The following DLL1 variants were observed in gnomAD, a reference collection of about 807,000 sequenced individuals.
The protein encoded by DLL1 is delta-like protein 1.
A neutral mutation model predicts 75.1 loss-of-function variants in DLL1; 9 were observed. That is an observed-to-expected ratio of 0.12 (90% CI 0.07 to 0.21). DLL1 has a LOEUF of 0.21. Ranked by LOEUF, DLL1 falls within the 10% of genes least tolerant of loss-of-function variation. The probability of loss-of-function intolerance (pLI) is 1.00; values close to 1 mark genes in which losing one functional copy is unlikely to be tolerated. For synonymous variants in DLL1, 477 were observed against 418.3 expected (o/e 1.14, Z -1.71); for missense variants, 837 against 1,007.6 (o/e 0.83, Z 2.29).
intron 8 of DLL1, 76 bp from the exon 9 acceptor site, chr6:170,284,105 C>T (rs1475592518): frequency 4.6e-6 from 7 of 1,512,448 alleles, no homozygotes; most frequent in Middle Eastern, 2.3e-4. Context: ...AAGCATCTAT[C>T]TGTCTGACAC....
intron 2 of DLL1, chr6:170,289,265 C>G: frequency 1.5e-6 from 1 of 672,160 alleles, no homozygotes. Context: ...GGAAATCTCC[C>G]GGGCGCGCTC....
chr6:170,289,347 G>T (rs1428195990), intron 2 of DLL1, 165 bp downstream of exon 2: 1 of 1,175,380 alleles, frequency 8.5e-7, no homozygotes, highest in African/African-American at 1.6e-5. Context: ...TGTCCGCGCT[G>T]CTGGGCTGGA....
chr6:170,282,742 T>C lies in DLL1; in HGVS notation c.*132A>G. 2 of 1,496,418 alleles carry C rather than the reference T, an allele frequency of 1.3e-6. No homozygotes were observed. Among genetic ancestry groups the C allele is most frequent in the Non-Finnish European group, 1.9e-6 (2 of 1,075,386 alleles). 92.7% of individuals were successfully genotyped at this position (1,496,418 alleles called of 1,614,324 possible). A position where few individuals can be genotyped will look rare whatever the true frequency, so the allele number is the denominator to read the frequency against. On this transcript the variant is annotated 3_prime_UTR_variant, in exon 11 of 11. Coordinates refer to ENST00000366756, the MANE Select transcript of DLL1 (RefSeq NM_005618.4). ...CGAGGACCTCAGGAGGAGAACCTGC[T>C]CGGTCTGAACTCGGTTTCTCAGCAG...
intron 10 of DLL1, 46 bp from the exon 11 acceptor site, chr6:170,282,925 C>G (rs752188816): frequency 6.2e-7 from 1 of 1,614,202 alleles, no homozygotes; most frequent in Admixed American, 1.7e-5. Flanking sequence ...AGACCGATTC[C>G]CGTGCTCCAG....
At position 170,288,801 on chromosome 6, in the gene DLL1, G is replaced by A; in HGVS notation, c.352-12C>T. On this transcript the variant is annotated splice_polypyrimidine_tract_variant and intron_variant, in intron 2 of 10. Transcript: ENST00000366756. ...AGAGAGAAGGTGCCCTGGGAGAGAG[G>A]GGAGAAGACGTTAGACAACCCAGAA... is the stretch of plus-strand genomic sequence containing the variant. 1 of 1,614,010 alleles carries A rather than the reference G, an allele frequency of 6.2e-7. No individual in the cohort carries two copies. Among genetic ancestry groups the A allele is most frequent in the Non-Finnish European group, 8.5e-7 (1 of 1,179,908 alleles).
chr6:170,284,630 A>G (rs531302446), intron 8 of DLL1, among the ~76,000 whole-genome samples: 1 of 152,286 alleles, frequency 6.6e-6, no homozygotes, highest in East Asian at 1.9e-4. Context: ...TGTGGGCATC[A>G]CTTACTGAAC....
Position 170,287,524 on chromosome 6 carries a change from C to T in DLL1, c.670+715G>A, listed in dbSNP as rs559806934. Among the ~76,000 whole-genome samples the T allele has an allele frequency of 9.8e-5, 15 of 152,360 alleles. 1 individual carries two copies. In the South Asian group the frequency reaches 3.1e-3, roughly 32 times the overall value. On this transcript the variant is annotated intron_variant, in intron 4 of 10. Coordinates refer to ENST00000366756, the MANE Select transcript of DLL1 (RefSeq NM_005618.4). ...GAGCCAGCACGGCCCCAACCCTGCC[C>T]TAGTCACCTGCCTGCCATGACATTG...
chr6:170,283,301 T>C lies in DLL1; in HGVS notation c.1978A>G (p.Lys660Glu), dbSNP rs1417812277. 6.2e-7 allele frequency: 1 copy of C among 1,613,152 alleles called. No individual in the cohort carries two copies. The highest frequency in any genetic ancestry group is 1.3e-5 in the African/African-American group (1 of 74,924). Residue 660 changes from lysine (K) to glutamate (E), a missense_variant, in exon 9 of 11, where the codon AAG becomes GAG. Physicochemically the swap from Lys to Glu is moderately conservative, Grantham distance 56. This residue lies in a region of DLL1 where 533 missense variants were observed against 545.7 expected (regional missense o/e 0.98). Coordinates refer to ENST00000366756, the MANE Select transcript of DLL1 (RefSeq NM_005618.4). Reference sequence around the variant, plus strand: ...TGGGGCTGGCACTTGGTGTCACGCTTGCTGTGCGCGTCCCTGACGGCGGTG... The same window carrying C: ...TGGGGCTGGCACTTGGTGTCACGCTCGCTGTGCGCGTCCCTGACGGCGGTG... ...DDTAVRDAHS[K>E]RDTKCQPQGS...
chr6:170,289,048 TAG>T (rs112501716), intron 2 of DLL1: 1,620 of 572,094 alleles, frequency 2.8e-3, no homozygotes, highest in East Asian at 3.6e-3. Flanking sequence ...TTTTTTTAAT[TAG>T]AGAGAGAGAG....
chr6:170,288,418 T>C lies in DLL1; in HGVS notation c.491A>G (p.His164Arg), dbSNP rs776433289. 2 of 1,613,936 alleles carry C rather than the reference T, an allele frequency of 1.2e-6. No homozygotes were observed. The highest frequency in any genetic ancestry group is 1.3e-5 in the African/African-American group (1 of 74,948). ...TVGEEWSQDLHSSGRTDLKYS... is the reference protein window; with the variant it reads ...TVGEEWSQDLRSSGRTDLKYS... ...CTTGAGGTCCGTGCGGCCGCTGCTG[T>C]GCAGGTCCTGGGACCACTCCTCGCC... Residue 164 changes from histidine (H) to arginine (R), a missense_variant, in exon 4 of 11, where the codon CAC becomes CGC. Around this residue, in one of 2 missense-constraint regions of DLL1, gnomAD observed 304 missense variants for 461.9 expected, o/e 0.66. Coordinates refer to ENST00000366756, the MANE Select transcript of DLL1 (RefSeq NM_005618.4).
At chr6:170,282,962 A>C (rs762739072) in intron 10 of DLL1, 26 bp downstream of exon 10, 1 of 1,613,908 alleles carries the variant, frequency 6.2e-7, no homozygotes, top group South Asian at 1.1e-5. Flanking sequence ...GCCGAGGAGG[A>C]GGGAGCGGCT....
Position 170,289,148 on chromosome 6 carries a change from C to G in DLL1, c.352-359G>C, listed in dbSNP as rs143259824. Reference sequence around the variant, plus strand: ...GGCACGCTCCGGGTGGTAGCGGTCGCGCTGCGCGGGTAATCGCGCCACCAA... The same window carrying G: ...GGCACGCTCCGGGTGGTAGCGGTCGGGCTGCGCGGGTAATCGCGCCACCAA... On this transcript the variant is annotated intron_variant, in intron 2 of 10. Coordinates refer to ENST00000366756, the MANE Select transcript of DLL1 (RefSeq NM_005618.4). 23 of 589,732 alleles carry G rather than the reference C, an allele frequency of 3.9e-5. No individual in the cohort carries two copies. In the Admixed American group the frequency reaches 6.2e-4, roughly 16 times the overall value. 36.5% of individuals were successfully genotyped at this position (589,732 alleles called of 1,614,324 possible).
intron 1 of DLL1, 54 bp from the exon 2 acceptor site, chr6:170,289,862 G>T: frequency 6.5e-7 from 1 of 1,526,728 alleles, no homozygotes; most frequent in African/African-American, 1.4e-5. Flanking sequence ...GAGCTAGGGG[G>T]CGTGAGGCCT....
chr6:170,285,831 C>G, intron 5 of DLL1, 132 bp from the exon 6 acceptor site: 1 of 1,353,430 alleles, frequency 7.4e-7, no homozygotes, highest in Non-Finnish European at 1.0e-6. Context: ...AACACTGGGT[C>G]ACCTTGGGAG....
chr6:170,289,284 C>T (rs1470782775), intron 2 of DLL1: 2 of 623,936 alleles, frequency 3.2e-6, no homozygotes, highest in East Asian at 5.8e-5. Flanking sequence ...TCGGCCTCTC[C>T]TCCTCGCCCC....
chr6:170,285,773 A>C, intron 5 of DLL1, 74 bp from the exon 6 acceptor site: 7 of 1,597,446 alleles, frequency 4.4e-6, no homozygotes, highest in Non-Finnish European at 8.6e-7. Flanking sequence ...CACCCTAGAA[A>C]CCATCTTCCC....
chr6:170,284,287 T>C (rs1783645790), intron 8 of DLL1, among the ~76,000 whole-genome samples: 1 of 152,138 alleles, frequency 6.6e-6, no homozygotes, highest in Admixed American at 6.5e-5. Context: ...GTGGCTGCAT[T>C]AGTCGCCACA....
chr6:170,289,271 C>A, intron 2 of DLL1: 1 of 662,638 alleles, frequency 1.5e-6, no homozygotes, highest in Non-Finnish European at 2.7e-6. Context: ...CTCCCGGGCG[C>A]GCTCGGCCTC....
Position 170,285,379 on chromosome 6 carries a change from T to C in DLL1, c.907A>G (p.Thr303Ala). ...CTCCCCTGGCCCGTGTTGGTGCAGG[T>C]GGCTCCATTCTTGCAGGGCTTATGG... Reference protein sequence around the residue: ...THHKPCKNGATCTNTGQGSYT... With the variant: ...THHKPCKNGAACTNTGQGSYT... The change falls in exon 7 of 11, where the codon ACC (threonine) becomes GCC (alanine). Residue 303 changes from threonine (T) to alanine (A), a missense_variant. By Grantham distance (58) the Thr-to-Ala change is moderately conservative (BLOSUM62 0). Around this residue, in one of 2 missense-constraint regions of DLL1, gnomAD observed 304 missense variants for 461.9 expected, o/e 0.66. Transcript: ENST00000366756. 2 of 1,614,186 alleles carry C rather than the reference T, an allele frequency of 1.2e-6. No individual in the cohort carries two copies. Among genetic ancestry groups the C allele is most frequent in the Non-Finnish European group, 1.7e-6 (2 of 1,180,026 alleles).
Sources: allele counts gnomAD v4.1 joint callset (sites outside exome capture counted in the v4.1 genomes callset), GRCh38; gene constraint gnomAD v4.1.1; regional missense constraint gnomAD v4.1.1; transcripts MANE v1.5; gene names NCBI Gene and HGNC (gene_info 2026-07-23, HGNC 2026-07-21).